COL22A1: variants seen among roughly 807,000 people sequenced by gnomAD.
COL22A1 encodes collagen alpha-1(XXII) chain.
Under a neutral mutation model 248.9 loss-of-function variants are expected in COL22A1, and 221 were observed. That is an observed-to-expected ratio of 0.89 (90% CI 0.80 to 0.99). The LOEUF is 0.99. Among genes scored for constraint, COL22A1 ranks in the 50% least tolerant of loss-of-function variants. The pLI, the probability that COL22A1 is intolerant of heterozygous loss-of-function variation, is 0.00. For missense variants in COL22A1, 2,240 were observed against 2,179.0 expected, an observed-to-expected ratio of 1.03 and a Z score of -0.56; for synonymous variants, 891 against 793.4, an observed-to-expected ratio of 1.12 and a Z score of -2.07.
chr8:138,833,603 C>T (rs1820215772), intron 4 of COL22A1, among the ~76,000 whole-genome samples: 1 of 152,170 alleles, frequency 6.6e-6, no homozygotes, highest in African/African-American at 2.4e-5. Flanking sequence ...AGTTTGGCAG[C>T]TTTTAATTTT....
chr8:138,801,159 T>TAGGTGA (rs1209729429), intron 11 of COL22A1, among the ~76,000 whole-genome samples: 4 of 152,282 alleles, frequency 2.6e-5, no homozygotes, highest in East Asian at 3.9e-4. Flanking sequence ...TATGCATGTG[T>TAGGTGA]AGGTGAAGGT....
At chr8:138,775,875 C>A in intron 16 of COL22A1, 91 bp downstream of exon 16, 1 of 1,206,248 alleles carries the variant, frequency 8.3e-7, no homozygotes. Context: ...TGTACACACA[C>A]ACACGAGCAT....
At chr8:138,853,263 A>C (rs1821774260) in intron 3 of COL22A1, among the ~76,000 whole-genome samples, 1 of 152,232 alleles carries the variant, frequency 6.6e-6, no homozygotes. Context: ...CCATTGGAGC[A>C]GGTTCAGGGA....
chr8:138,593,392 TAA>T (rs200453839), intron 63 of COL22A1, among the ~76,000 whole-genome samples: 1 of 151,334 alleles, frequency 6.6e-6, no homozygotes, highest in African/African-American at 2.4e-5. Context: ...ATTTTTTTTT[TAA>T]AAAAAAACCT....
chr8:138,605,662 C>A lies in COL22A1; in HGVS notation c.4104+719G>T, dbSNP rs372546499. On this transcript the variant is annotated intron_variant, in intron 58 of 64. Coordinates refer to ENST00000303045, the MANE Select transcript of COL22A1 (RefSeq NM_152888.3). ...GTAAGCTCTCTACTCTGGTATGTTACATGCAAGCCTCATTCATCAGGTCAG... is the reference window on the plus strand; with the variant it reads ...GTAAGCTCTCTACTCTGGTATGTTAAATGCAAGCCTCATTCATCAGGTCAG... Among the ~76,000 whole-genome samples, 6 of 152,250 alleles carry A rather than the reference C, an allele frequency of 3.9e-5. No individual in the cohort carries two copies. In the South Asian group the frequency reaches 6.2e-4, roughly 16 times the overall value.
At chr8:138,602,296 C>A in intron 59 of COL22A1, 137 bp from the exon 60 acceptor site, 3 of 781,892 alleles carry the variant, frequency 3.8e-6, no homozygotes, top group East Asian at 2.8e-5. Context: ...GGGCTCCTTT[C>A]TGATTTATGC....
At chr8:138,604,820 A>C in intron 58 of COL22A1, 51 bp from the exon 59 acceptor site, 3 of 1,435,282 alleles carry the variant, frequency 2.1e-6, no homozygotes, top group Non-Finnish European at 2.9e-6. Context: ...GCCCAATGTC[A>C]GTACTAAGAC....
chr8:138,805,680 GGTAT>G (rs1255168005), intron 10 of COL22A1, among the ~76,000 whole-genome samples: 1 of 143,862 alleles, frequency 7.0e-6, no homozygotes, highest in Non-Finnish European at 1.5e-5. Flanking sequence ...TGTGTGTGAT[GGTAT>G]GTGTTTGTGA....
At chr8:138,606,608 C>A (rs536777872) in intron 57 of COL22A1, among the ~76,000 whole-genome samples, 156 bp from the exon 58 acceptor site, 1 of 152,082 alleles carries the variant, frequency 6.6e-6, no homozygotes, top group Non-Finnish European at 1.5e-5. Flanking sequence ...GGAAAAGACA[C>A]GGGGTCTTGG....
At chr8:138,649,844 C>A in intron 45 of COL22A1, 66 bp from the exon 46 acceptor site, 1 of 984,488 alleles carries the variant, frequency 1.0e-6, no homozygotes, top group Non-Finnish European at 1.5e-6. Context: ...CAAAGCAAAG[C>A]AAAGTAGCCC....
In COL22A1 at chr8:138,878,273, G is replaced by A. The variant is rs549175477; in HGVS notation, c.135C>T (p.Thr45=). Residue 45 remains threonine (T), a synonymous_variant, in exon 3 of 65, where the codon ACC becomes ACT. Coordinates refer to ENST00000303045, the MANE Select transcript of COL22A1 (RefSeq NM_152888.3). ...AGTCCTCCTTGCCCACGCTGGAGGA[G>A]GTGTCCAGGAGGAAGACCAGATCGT... ...VHYDLVFLLD[T]SSSVGKEDFE... is the part of the protein sequence containing the mutation. The A allele has an allele frequency of 2.5e-6, 4 of 1,580,832 alleles. No homozygotes were observed. Among genetic ancestry groups the A allele is most frequent in the Non-Finnish European group, 3.4e-6 (4 of 1,163,222 alleles).
intron 1 of COL22A1, among the ~76,000 whole-genome samples, chr8:138,899,575 G>A (rs1814391603): frequency 6.6e-6 from 1 of 152,086 alleles, no homozygotes; most frequent in Non-Finnish European, 1.5e-5. Flanking sequence ...CCAGTCTGGA[G>A]TGCAGTGGGA....
At chr8:138,846,819 G>A (rs1821280837) in intron 3 of COL22A1, among the ~76,000 whole-genome samples, 1 of 152,200 alleles carries the variant, frequency 6.6e-6, no homozygotes, top group Admixed American at 6.5e-5. Context: ...TATGTTCCAA[G>A]CATTGAGCTA....
intron 31 of COL22A1, 120 bp from the exon 32 acceptor site, chr8:138,700,264 C>T (rs750461770): frequency 4.1e-4 from 357 of 872,428 alleles, no homozygotes; most frequent in Non-Finnish European, 6.0e-4. Context: ...CTTCCTGGAA[C>T]GATTATTAGT....
intron 50 of COL22A1, among the ~76,000 whole-genome samples, chr8:138,628,312 C>T (rs1587709641): frequency 6.6e-6 from 1 of 150,620 alleles, no homozygotes; most frequent in South Asian, 2.1e-4. Flanking sequence ...ATTGGCTGGG[C>T]ACCGTGGCTC....
At chr8:138,778,274 T>G in intron 15 of COL22A1, 79 bp downstream of exon 15, 1 of 1,501,280 alleles carries the variant, frequency 6.7e-7, no homozygotes, top group South Asian at 1.1e-5. Context: ...TAGATGCAGG[T>G]GGAGGAACTT....
At chr8:138,672,280 G>A (rs544853474) in intron 41 of COL22A1, among the ~76,000 whole-genome samples, 1 of 152,210 alleles carries the variant, frequency 6.6e-6, no homozygotes, top group Non-Finnish European at 1.5e-5. Context: ...GAGACTATCT[G>A]TGAGATAAAT....
intron 1 of COL22A1, among the ~76,000 whole-genome samples, chr8:138,894,122 G>C (rs1825242136): frequency 1.3e-5 from 2 of 152,330 alleles, no homozygotes; most frequent in South Asian, 4.1e-4. Flanking sequence ...AATTCATGGG[G>C]AGGAAGGCAT....
At chr8:138,853,052 T>TGTAG (rs1337422684) in intron 3 of COL22A1, among the ~76,000 whole-genome samples, 2 of 152,012 alleles carry the variant, frequency 1.3e-5, no homozygotes, top group African/African-American at 4.8e-5. Flanking sequence ...GATGTGTGCC[T>TGTAG]GTAGTCCCAA....
Sources: allele counts gnomAD v4.1 joint callset (sites outside exome capture counted in the v4.1 genomes callset), GRCh38; gene constraint gnomAD v4.1.1; transcripts MANE v1.5; gene names NCBI Gene and HGNC (gene_info 2026-07-23, HGNC 2026-07-21).